TUBA8: variants seen among roughly 807,000 people sequenced by gnomAD.
The protein encoded by TUBA8 is tubulin alpha-8 chain.
Under a neutral mutation model 34.7 loss-of-function variants are expected in TUBA8, and 29 were observed. The observed-to-expected ratio is 0.84, with a 90% CI of 0.62 to 1.14. The LOEUF (loss-of-function observed/expected upper bound fraction) is 1.14, where lower values mean the gene tolerates loss of function less well. TUBA8 is among the 50% of genes most tolerant of loss of function. The pLI is 0.00. For missense variants in TUBA8, 541 were observed against 599.2 expected (o/e 0.90, Z 1.01); for synonymous variants, 226 against 231.2 (o/e 0.98, Z 0.21).
rs968951539 is a variant in TUBA8, at chr22:18,131,220, C to T, written c.*84C>T. On this transcript the variant is annotated 3_prime_UTR_variant, in exon 5 of 5. Coordinates refer to ENST00000330423, the MANE Select transcript of TUBA8 (RefSeq NM_018943.3). The surrounding 1 kb of genome is among the most constrained non-coding windows in gnomAD (Gnocchi z 5.3). ...GTTCAAGAGAACAGAACACTCTCCC[C>T]GCCCCAGCCTGATTCCTGCCTTACC... 7.4e-5 allele frequency: 108 copies of T among 1,460,966 alleles called. No individual in the cohort carries two copies. The highest frequency in any genetic ancestry group is 9.5e-5 in the Non-Finnish European group (100 of 1,052,630). 90.5% of individuals were successfully genotyped at this position (1,460,966 alleles called of 1,614,324 possible).
rs1336107259 is a variant in TUBA8, at chr22:18,124,348, G to T, written c.375+44G>T. Reference sequence around the variant, plus strand: ...GGGACGGGTGGGTCAGGCTGGAGTGGACAGGCTTGGCCCCATGCCTCTTTG... The same window carrying T: ...GGGACGGGTGGGTCAGGCTGGAGTGTACAGGCTTGGCCCCATGCCTCTTTG... On this transcript the variant is annotated intron_variant, in intron 3 of 4. Transcript: ENST00000330423. The surrounding 1 kb of genome is among the most constrained non-coding windows in gnomAD (Gnocchi z 4.3). The T allele has an allele frequency of 6.3e-7, 1 of 1,595,002 alleles. No individual in the cohort carries two copies. The highest frequency in any genetic ancestry group is 1.1e-5 in the South Asian group (1 of 88,162).
At position 18,130,824 on chromosome 22, in the gene TUBA8, CTCTT is replaced by C; in HGVS notation, c.1057-15_1057-12del. The C allele has an allele frequency of 6.2e-7, 1 of 1,613,304 alleles. No individual in the cohort carries two copies. The highest frequency in any genetic ancestry group is 8.5e-7 in the Non-Finnish European group (1 of 1,179,936). On this transcript the variant is annotated splice_polypyrimidine_tract_variant and intron_variant, in intron 4 of 4. Coordinates refer to ENST00000330423, the MANE Select transcript of TUBA8 (RefSeq NM_018943.3). ...CTTGTATCTTCTTCTGTGGCTCCTC[CTCTT>C]TCTGTGTCCCTCAGGTGGGCATCAA...
At chr22:18,123,498 G>T (rs185242757) in intron 2 of TUBA8, 246 of 154,390 alleles carry the variant, frequency 1.6e-3, no homozygotes, top group Admixed American at 3.4e-3. Context: ...CTCGTGATCT[G>T]CCTGCCTTGG....
chr22:18,127,148 G>A (rs1334950866), intron 4 of TUBA8, 114 bp downstream of exon 4: 3 of 1,038,898 alleles, frequency 2.9e-6, no homozygotes, highest in Non-Finnish European at 4.3e-6. Context: ...AGGGGAGGGG[G>A]ACTTCAACCA....
At position 18,110,824 on chromosome 22, in the gene TUBA8, C is replaced by CG. The variant is rs1342514431; in HGVS notation, c.-42_-41insG. On this transcript the variant is annotated 5_prime_UTR_variant, in exon 1 of 5. Coordinates refer to ENST00000330423, the MANE Select transcript of TUBA8 (RefSeq NM_018943.3). This position sits in a 1 kb window ranked among gnomAD's most constrained non-coding sequence, Gnocchi z 6.2. The stretch of plus-strand genomic sequence containing the variant: ...CTGTATCTGGAGCAGTCGGGGCGGG[C>CG]AGGCCCAGCTGAGAGGTGCGCGGGC... 16 of 1,538,072 alleles carry CG rather than the reference C, an allele frequency of 1.0e-5. No homozygotes were observed. The highest frequency in any genetic ancestry group is 1.4e-5 in the Non-Finnish European group (16 of 1,147,828).
rs1928250284 is a variant in TUBA8, at chr22:18,124,257, G to A, written c.328G>A (p.Val110Met). The A allele has an allele frequency of 6.2e-7, 1 of 1,614,094 alleles. No individual in the cohort carries two copies. Among genetic ancestry groups the A allele is most frequent in the Non-Finnish European group, 8.5e-7 (1 of 1,180,048 alleles). The change falls in exon 3 of 5, where the codon GTG becomes ATG. Residue 110 changes from valine (V) to methionine (M), a missense_variant. Coordinates refer to ENST00000330423, the MANE Select transcript of TUBA8 (RefSeq NM_018943.3). This position sits in a 1 kb window ranked among gnomAD's most constrained non-coding sequence, Gnocchi z 4.3. ...CAACTATGCCCGGGGCCACTACACG[G>A]TGGGCAAGGAGAGCATTGACCTGGT... The part of the protein sequence containing the change: ...ANNYARGHYT[V>M]GKESIDLVLD...
rs1019421388 is a variant in TUBA8 at position 18,126,712 on chromosome 22, A to T, written c.734A>T (p.Asp245Val). ...VSSITASLRF[D>V]GALNVDLTEF... ...TCAATCACTGCTTCTCTCCGCTTTG[A>T]CGGGGCCCTCAATGTGGACCTCACT... is the stretch of plus-strand genomic sequence containing the variant. The change falls in exon 4 of 5, where the codon GAC becomes GTC. Residue 245 changes from aspartate (D) to valine (V), a missense_variant. Coordinates refer to ENST00000330423, the MANE Select transcript of TUBA8 (RefSeq NM_018943.3). The surrounding 1 kb of genome is among the most constrained non-coding windows in gnomAD (Gnocchi z 4.0). 2 of 1,613,840 alleles carry T rather than the reference A, an allele frequency of 1.2e-6. No homozygotes were observed. Among genetic ancestry groups the T allele is most frequent in the Admixed American group, 1.7e-5 (1 of 59,992 alleles).
chr22:18,126,000 T>A, intron 3 of TUBA8: 1 of 327,490 alleles, frequency 3.1e-6, no homozygotes, highest in Non-Finnish European at 5.8e-6. Flanking sequence ...TAACTGGGAC[T>A]ACAGGTGTGC....
chr22:18,117,268 A>T (rs1041872208), intron 1 of TUBA8: 2 of 152,254 alleles, frequency 1.3e-5, no homozygotes, highest in African/African-American at 4.8e-5. Flanking sequence ...AATGCTTCGG[A>T]TGCAACTCTA....
Position 18,121,755 on chromosome 22 carries a change from A to G in TUBA8, c.226+54A>G, listed in dbSNP as rs1210153368. On this transcript the variant is annotated intron_variant, in intron 2 of 4. Coordinates refer to ENST00000330423, the MANE Select transcript of TUBA8 (RefSeq NM_018943.3). This position sits in a 1 kb window ranked among gnomAD's most constrained non-coding sequence, Gnocchi z 4.8. Reference sequence around the variant, plus strand: ...GAGAACATCTCGAAACTGCAGAGGCATTGGCCCACAGTAGCTAAGGAAGCA... The same window carrying G: ...GAGAACATCTCGAAACTGCAGAGGCGTTGGCCCACAGTAGCTAAGGAAGCA... The G allele has an allele frequency of 1.3e-6, 2 of 1,549,484 alleles. No individual in the cohort carries two copies. The highest frequency in any genetic ancestry group is 1.8e-6 in the Non-Finnish European group (2 of 1,126,516).
Position 18,131,303 on chromosome 22 carries a change from C to A in TUBA8, c.*167C>A, listed in dbSNP as rs1013290022. On this transcript the variant is annotated 3_prime_UTR_variant, in exon 5 of 5. Transcript: ENST00000330423. The surrounding 1 kb of genome is among the most constrained non-coding windows in gnomAD (Gnocchi z 5.3). ...GTGGCACGACTGGGCTAAGTGGACA[C>A]TGAGCTTCATCAGGCCCTCCCTGGG... The A allele has an allele frequency of 5.9e-6, 4 of 681,214 alleles. No individual in the cohort carries two copies. In the African/African-American group the frequency reaches 7.2e-5, roughly 12 times the overall value. The allele number at this position is 681,214 out of a possible 1,614,324, so 42.2% of individuals were successfully genotyped here.
chr22:18,110,945 C>T lies in TUBA8; in HGVS notation c.3+77C>T, dbSNP rs1927784332. On this transcript the variant is annotated intron_variant, in intron 1 of 4. Coordinates refer to ENST00000330423, the MANE Select transcript of TUBA8 (RefSeq NM_018943.3). The surrounding 1 kb of genome is among the most constrained non-coding windows in gnomAD (Gnocchi z 6.2). The stretch of plus-strand genomic sequence containing the variant: ...CGAGAGCCGAGTCTACGCGGAGGCG[C>T]ACGGACCCGTCTTCCTGGAGCCGCA... 6 of 1,532,272 alleles carry T rather than the reference C, an allele frequency of 3.9e-6. No homozygotes were observed. The highest frequency in any genetic ancestry group is 2.0e-5 in the Admixed American group (1 of 50,912). The allele number at this position is 1,532,272 out of a possible 1,614,324, so 94.9% of individuals were successfully genotyped here.
chr22:18,119,905 A>G lies in TUBA8; in HGVS notation c.4-1574A>G, dbSNP rs1165477190. The G allele has an allele frequency of 6.6e-6, 1 of 152,186 alleles. No individual in the cohort carries two copies. The highest frequency in any genetic ancestry group is 1.5e-5 in the Non-Finnish European group (1 of 68,054). 9.4% of individuals were successfully genotyped at this position (152,186 alleles called of 1,614,324 possible). On this transcript the variant is annotated intron_variant, in intron 1 of 4. Transcript: ENST00000330423. This position sits in a 1 kb window ranked among gnomAD's most constrained non-coding sequence, Gnocchi z 5.9. ...TCTGCCCCTGGCTTGGGTTACCCGGAGCTGGAAAATGCCAGGGCAGGTCAT... is the reference window on the plus strand; with the variant it reads ...TCTGCCCCTGGCTTGGGTTACCCGGGGCTGGAAAATGCCAGGGCAGGTCAT...
intron 4 of TUBA8, 114 bp from the exon 5 acceptor site, chr22:18,130,729 C>G: frequency 7.1e-7 from 1 of 1,417,362 alleles, no homozygotes; most frequent in Non-Finnish European, 9.8e-7. Context: ...CCCACTCCCA[C>G]GCCCCTGACC....
In TUBA8 at chr22:18,121,371, G is replaced by C. The variant is rs532309922; in HGVS notation, c.4-108G>C. ...TGCAGCCTCAACGCCAACTGGCAATGGGGGGCTGGGGCCTGGCTGGCCTGC... is the reference window on the plus strand; with the variant it reads ...TGCAGCCTCAACGCCAACTGGCAATCGGGGGCTGGGGCCTGGCTGGCCTGC... On this transcript the variant is annotated intron_variant, in intron 1 of 4. Coordinates refer to ENST00000330423, the MANE Select transcript of TUBA8 (RefSeq NM_018943.3). The surrounding 1 kb of genome is among the most constrained non-coding windows in gnomAD (Gnocchi z 4.8). The C allele has an allele frequency of 2.1e-4, 204 of 976,374 alleles. No individual in the cohort carries two copies. The highest frequency in any genetic ancestry group is 3.1e-4 in the Non-Finnish European group (190 of 609,388). 60.5% of individuals were successfully genotyped at this position (976,374 alleles called of 1,614,324 possible).
rs948890637 is a variant in TUBA8, at chr22:18,126,818, A to G, written c.840A>G (p.Lys280=). ...VTYAPIISAE[K]AYHEQLSVAE... is the part of the protein sequence containing the mutation. ...ACGCGCCCATCATCTCTGCCGAGAAAGCCTATCACGAACAGCTCTCTGTGG... is the reference window on the plus strand; with the variant it reads ...ACGCGCCCATCATCTCTGCCGAGAAGGCCTATCACGAACAGCTCTCTGTGG... The change falls in exon 4 of 5, where the codon AAA becomes AAG. Residue 280 remains lysine, a synonymous_variant. Coordinates refer to ENST00000330423, the MANE Select transcript of TUBA8 (RefSeq NM_018943.3). This position sits in a 1 kb window ranked among gnomAD's most constrained non-coding sequence, Gnocchi z 4.0. The G allele has an allele frequency of 6.2e-7, 1 of 1,613,582 alleles. No homozygotes were observed. Among genetic ancestry groups the G allele is most frequent in the African/African-American group, 1.3e-5 (1 of 74,878 alleles).
In TUBA8 at chr22:18,121,134, A is replaced by T. The variant is rs183999799; in HGVS notation, c.4-345A>T. 3.0e-6 allele frequency: 1 copy of T among 329,130 alleles called. No individual in the cohort carries two copies. The highest frequency in any genetic ancestry group is 2.1e-5 in the African/African-American group (1 of 47,160). The allele number at this position is 329,130 out of a possible 1,614,324, so 20.4% of individuals were successfully genotyped here. A position where few individuals can be genotyped will look rare whatever the true frequency, so the allele number is the denominator to read the frequency against. ...CGTAGGCTGAAGGAGAGTTTCTGCC[A>T]TGATCGCCAGTTCTTCCTTGGGCCT... On this transcript the variant is annotated intron_variant, in intron 1 of 4. Coordinates refer to ENST00000330423, the MANE Select transcript of TUBA8 (RefSeq NM_018943.3). The surrounding 1 kb of genome is among the most constrained non-coding windows in gnomAD (Gnocchi z 4.8).
intron 1 of TUBA8, chr22:18,114,918 C>T (rs1927921548): frequency 6.6e-6 from 1 of 151,948 alleles, no homozygotes; most frequent in Admixed American, 6.5e-5. Flanking sequence ...TCTTAGTCCT[C>T]TGAGAACAAA....
intron 1 of TUBA8, chr22:18,112,143 C>T (rs2123690445): frequency 6.6e-6 from 1 of 152,266 alleles, no homozygotes; most frequent in South Asian, 2.1e-4. Context: ...TCAGGAAGGT[C>T]ACTTAACCTC....
Sources: allele counts gnomAD v4.1 joint callset, GRCh38; gene constraint gnomAD v4.1.1; non-coding constraint Gnocchi (gnomAD v3.1); transcripts MANE v1.5; gene names NCBI Gene and HGNC (gene_info 2026-07-23, HGNC 2026-07-21).